Variants in PCDHA10 observed in about 807,000 individuals in gnomAD.
PCDHA10 encodes the protein protocadherin alpha-10.
PCDHA10 carries 45 observed loss-of-function variants against 61.2 expected under a neutral mutation model. That is an observed-to-expected ratio of 0.74 (90% CI 0.58 to 0.94). The LOEUF (loss-of-function observed/expected upper bound fraction) is 0.94, where lower values mean the gene tolerates loss of function less well. Ranked by LOEUF, PCDHA10 falls within the 40% of genes least tolerant of loss-of-function variation. The pLI is 0.00. For synonymous variants in PCDHA10, 602 were observed against 548.8 expected, an observed-to-expected ratio of 1.10 and a Z score of -1.35; for missense variants, 1,278 against 1,236.2, an observed-to-expected ratio of 1.03 and a Z score of -0.51.
At position 140,856,112 on chromosome 5, in the gene PCDHA10, G is replaced by A. The variant is rs782115498; in HGVS notation, c.64G>A (p.Ala22Thr). ...GCTGCTCTCGCTTCTTCTCCTCGCAGCCTGGGAGGTGGGGAGCGGCCAGCT... is the reference window on the plus strand; with the variant it reads ...GCTGCTCTCGCTTCTTCTCCTCGCAACCTGGGAGGTGGGGAGCGGCCAGCT... ...CLLLSLLLLA[A>T]WEVGSGQLHY... The change falls in exon 1 of 4, where the codon GCC becomes ACC. Residue 22 changes from alanine to threonine, a missense_variant. Transcript: ENST00000307360. The A allele has an allele frequency of 6.3e-7, 1 of 1,598,078 alleles. No homozygotes were observed. Among genetic ancestry groups the A allele is most frequent in the African/African-American group, 1.3e-5 (1 of 74,280 alleles).
At chr5:140,889,257 A>G (rs946372435) in intron 1 of PCDHA10, among the ~76,000 whole-genome samples, 1 of 151,854 alleles carries the variant, frequency 6.6e-6, no homozygotes, top group Non-Finnish European at 1.5e-5. Flanking sequence ...TTTCCTGTAA[A>G]AGTTTGTATA....
intron 1 of PCDHA10, among the ~76,000 whole-genome samples, chr5:140,939,804 G>A (rs2092463605): frequency 6.6e-6 from 1 of 152,140 alleles, no homozygotes; most frequent in Non-Finnish European, 1.5e-5. Flanking sequence ...TGTTCTGCAT[G>A]TTCAAGAAAA....
At chr5:140,982,650 CTCTTTT>C (rs2096993978) in intron 3 of PCDHA10, 87 bp downstream of exon 3, 1 of 1,507,000 alleles carries the variant, frequency 6.6e-7, no homozygotes, top group South Asian at 1.3e-5. Context: ...ATGTTGATGG[CTCTTTT>C]TCTTTTATAT....
At chr5:140,968,715 A>T (rs2096265469) in intron 1 of PCDHA10, 1 of 1,614,014 alleles carries the variant, frequency 6.2e-7, no homozygotes, top group South Asian at 1.1e-5. Flanking sequence ...AAGATGGGAG[A>T]TGAGAGTGGT....
chr5:140,881,023 A>T (rs1338073910), intron 1 of PCDHA10, among the ~76,000 whole-genome samples: 2 of 152,240 alleles, frequency 1.3e-5, no homozygotes, highest in Admixed American at 1.3e-4. Flanking sequence ...AAATAAACCC[A>T]ACAGTCATTT....
chr5:140,867,552 TATG>T (rs1353762493), intron 1 of PCDHA10: 1 of 152,120 alleles, frequency 6.6e-6, no homozygotes, highest in Non-Finnish European at 1.5e-5. Flanking sequence ...AGCATACACA[TATG>T]ATAACTTTTT....
chr5:140,953,127 G>A (rs909395659), intron 1 of PCDHA10, among the ~76,000 whole-genome samples: 2 of 152,060 alleles, frequency 1.3e-5, no homozygotes, highest in African/African-American at 4.8e-5. Flanking sequence ...GATCTAAACC[G>A]TATCACTGTT....
At chr5:140,995,682 T>A (rs566340825) in intron 3 of PCDHA10, among the ~76,000 whole-genome samples, 28 of 152,312 alleles carry the variant, frequency 1.8e-4, no homozygotes, top group East Asian at 9.6e-4. Context: ...GCATTTTTTT[T>A]AATTGTTAAA....
At chr5:140,924,881 C>T (rs1177812297) in intron 1 of PCDHA10, among the ~76,000 whole-genome samples, 20 of 141,170 alleles carry the variant, frequency 1.4e-4, no homozygotes, top group African/African-American at 5.5e-4. Flanking sequence ...GGTGACAGAG[C>T]AAGAACCTGT....
At chr5:140,989,041 A>G (rs531223216) in intron 3 of PCDHA10, 1 of 152,340 alleles carries the variant, frequency 6.6e-6, no homozygotes, top group Admixed American at 6.5e-5. Flanking sequence ...GATTCCTTTA[A>G]TATGCCAGCT....
At chr5:140,943,316 A>G (rs1326467105) in intron 1 of PCDHA10, among the ~76,000 whole-genome samples, 3 of 151,868 alleles carry the variant, frequency 2.0e-5, no homozygotes, top group African/African-American at 4.8e-5. Context: ...ATTATTAGCA[A>G]TATTGTGTAG....
intron 1 of PCDHA10, among the ~76,000 whole-genome samples, chr5:140,885,031 AT>A (rs1165183992): frequency 6.6e-6 from 1 of 152,198 alleles, no homozygotes; most frequent in Non-Finnish European, 1.5e-5. Flanking sequence ...AATTTAAAAA[AT>A]TTTTAGTTTA....
chr5:140,974,481 A>T (rs1017520033), intron 1 of PCDHA10, among the ~76,000 whole-genome samples: 4 of 152,178 alleles, frequency 2.6e-5, no homozygotes, highest in Non-Finnish European at 5.9e-5. Context: ...TTCCACCCAG[A>T]ATTCTCAAAT....
At chr5:140,984,751 T>A (rs2097118127) in intron 3 of PCDHA10, among the ~76,000 whole-genome samples, 1 of 152,158 alleles carries the variant, frequency 6.6e-6, no homozygotes. Context: ...CAGATTTGAG[T>A]TGAATTCTAA....
intron 1 of PCDHA10, among the ~76,000 whole-genome samples, chr5:140,960,713 A>C (rs1272219565): frequency 6.6e-6 from 1 of 150,862 alleles, no homozygotes; most frequent in Non-Finnish European, 1.5e-5. Context: ...CCAAATACTC[A>C]TCTTATTTTA....
chr5:140,882,303 G>A, intron 1 of PCDHA10: 1 of 1,613,824 alleles, frequency 6.2e-7, no homozygotes. Context: ...CCAAGACCGC[G>A]GCAACTACTG....
chr5:140,934,709 C>T (rs991669354), intron 1 of PCDHA10, among the ~76,000 whole-genome samples: 2 of 152,084 alleles, frequency 1.3e-5, no homozygotes, highest in Non-Finnish European at 1.5e-5. Flanking sequence ...GGCCATCTTA[C>T]AAAAAGGACC....
intron 1 of PCDHA10, among the ~76,000 whole-genome samples, chr5:140,889,062 T>C (rs1463008573): frequency 1.3e-5 from 2 of 152,052 alleles, no homozygotes; most frequent in African/African-American, 2.4e-5. Context: ...CCTTTTAATA[T>C]ACTACTTATT....
At chr5:140,922,802 GA>G (rs1475670811) in intron 1 of PCDHA10, among the ~76,000 whole-genome samples, 1 of 152,162 alleles carries the variant, frequency 6.6e-6, no homozygotes, top group African/African-American at 2.4e-5. Flanking sequence ...TTGGAATACA[GA>G]AAAAGGAGAT....
Sources: allele counts gnomAD v4.1 joint callset (sites outside exome capture counted in the v4.1 genomes callset), GRCh38; gene constraint gnomAD v4.1.1; transcripts MANE v1.5; gene names NCBI Gene and HGNC (gene_info 2026-07-23, HGNC 2026-07-21).